METTL25: variants seen among roughly 807,000 people sequenced by gnomAD.
The protein encoded by METTL25 is probable methyltransferase-like protein 25.
A neutral mutation model predicts 71.6 loss-of-function variants in METTL25; 64 were observed. The observed-to-expected ratio is 0.89, with a 90% CI of 0.73 to 1.10. The LOEUF (loss-of-function observed/expected upper bound fraction) is 1.10, where lower values mean the gene tolerates loss of function less well. Ranked by LOEUF, METTL25 falls within the 50% of genes least tolerant of loss-of-function variation. The pLI, the probability that METTL25 is intolerant of heterozygous loss-of-function variation, is 0.00. For missense variants in METTL25, 807 were observed against 707.0 expected (o/e 1.14, Z -1.60); for synonymous variants, 287 against 250.3 (o/e 1.15, Z -1.38).
intron 8 of METTL25, among the ~76,000 whole-genome samples, chr12:82,441,742 G>A (rs1274524426): frequency 6.7e-6 from 1 of 149,004 alleles, no homozygotes; most frequent in Non-Finnish European, 1.5e-5. Flanking sequence ...ACCAGGAAGC[G>A]GGCAGGCCTA....
chr12:82,466,211 G>T (rs1892221750), intron 9 of METTL25, among the ~76,000 whole-genome samples: 1 of 151,186 alleles, frequency 6.6e-6, no homozygotes, highest in South Asian at 2.1e-4. Flanking sequence ...CTAGATTTTT[G>T]ATGTAGTTAG....
chr12:82,445,965 C>G (rs988208323), intron 8 of METTL25, among the ~76,000 whole-genome samples: 1 of 152,126 alleles, frequency 6.6e-6, no homozygotes, highest in African/African-American at 2.4e-5. Context: ...GAGTAGTCAA[C>G]AGTTACATGC....
intron 5 of METTL25, among the ~76,000 whole-genome samples, chr12:82,424,675 A>G (rs540268455): frequency 6.6e-6 from 1 of 152,204 alleles, no homozygotes; most frequent in South Asian, 2.1e-4. Context: ...ATGTTCATGA[A>G]GAACTTCAGA....
In METTL25 at chr12:82,475,706, A is replaced by G. The variant is rs116128193; in HGVS notation, c.1573-938A>G. Among the ~76,000 whole-genome samples, 1,473 of 152,178 alleles carry G rather than the reference A, an allele frequency of 9.7e-3. 22 individuals are homozygous for G. The highest frequency in any genetic ancestry group is 0.033 in the African/African-American group (1,391 of 41,528). On this transcript the variant is annotated intron_variant, in intron 9 of 11. Transcript: ENST00000248306. Reference sequence around the variant, plus strand: ...AGGGGAGGGCTGCTTTTTTGCAAAAATTATAGAATCAATTTTTCCTGTTGC... The same window carrying G: ...AGGGGAGGGCTGCTTTTTTGCAAAAGTTATAGAATCAATTTTTCCTGTTGC...
chr12:82,457,186 A>C (rs1891554541), intron 9 of METTL25, among the ~76,000 whole-genome samples: 1 of 152,032 alleles, frequency 6.6e-6, no homozygotes, highest in South Asian at 2.1e-4. Flanking sequence ...TAAAATTAAA[A>C]ATCTTAAATT....
Position 82,399,333 on chromosome 12 carries a change from C to T in METTL25, c.1070C>T (p.Ser357Leu), listed in dbSNP as rs141543492. The change falls in exon 4 of 12, where the codon TCA (serine) becomes TTA (leucine). Residue 357 changes from serine (S) to leucine (L), a missense_variant. Coordinates refer to ENST00000248306, the MANE Select transcript of METTL25 (RefSeq NM_032230.3). The part of the protein sequence containing the change: ...TSKSSESNIY[S>L]PLTSFITADS... ...AAGTCAAGTGAATCAAATATATATTCACCTTTAACCTCTTTTATCACTGCT... is the reference window on the plus strand; with the variant it reads ...AAGTCAAGTGAATCAAATATATATTTACCTTTAACCTCTTTTATCACTGCT... 1.2e-5 allele frequency: 19 copies of T among 1,606,502 alleles called. No homozygotes were observed. The highest frequency in any genetic ancestry group is 1.6e-5 in the Non-Finnish European group (19 of 1,176,360).
chr12:82,371,628 A>G (rs554404083), intron 1 of METTL25, among the ~76,000 whole-genome samples: 43 of 152,198 alleles, frequency 2.8e-4, no homozygotes, highest in African/African-American at 9.9e-4. Flanking sequence ...CAAGATTGCC[A>G]GGTTTAATAA....
chr12:82,372,105 A>G (rs1033209005), intron 1 of METTL25, among the ~76,000 whole-genome samples: 8 of 152,160 alleles, frequency 5.3e-5, no homozygotes, highest in African/African-American at 1.9e-4. Context: ...TCAGGGTTTG[A>G]TCTATCAATA....
Position 82,386,852 on chromosome 12 carries a change from G to A in METTL25, c.309G>A (p.Val103=). The A allele has an allele frequency of 6.2e-7, 1 of 1,613,430 alleles. No individual in the cohort carries two copies. The highest frequency in any genetic ancestry group is 8.5e-7 in the Non-Finnish European group (1 of 1,179,620). ...TTTGTGAAACTTCTCAGAAGTTGGTGAGTGTGGAAGCCTTTGCTCTGGCTG... is the reference window on the plus strand; with the variant it reads ...TTTGTGAAACTTCTCAGAAGTTGGTAAGTGTGGAAGCCTTTGCTCTGGCTG... ...KIFCETSQKL[V]SVEAFALAAK... The change falls in exon 2 of 12, where the codon GTG becomes GTA. Residue 103 remains valine, a synonymous_variant. Coordinates refer to ENST00000248306, the MANE Select transcript of METTL25 (RefSeq NM_032230.3).
chr12:82,417,546 A>ATG (rs1888091011), intron 5 of METTL25, among the ~76,000 whole-genome samples: 1 of 152,196 alleles, frequency 6.6e-6, no homozygotes, highest in African/African-American at 2.4e-5. Flanking sequence ...ACATGTACAA[A>ATG]TACCTTTTTT....
intron 3 of METTL25, among the ~76,000 whole-genome samples, chr12:82,392,245 T>C (rs1885660273): frequency 7.6e-6 from 1 of 131,554 alleles, no homozygotes; most frequent in African/African-American, 2.8e-5. Context: ...CCCAATGCTA[T>C]CCCTCCCCCC....
At chr12:82,403,569 C>T (rs1049802087) in intron 5 of METTL25, among the ~76,000 whole-genome samples, 15 of 152,136 alleles carry the variant, frequency 9.9e-5, no homozygotes, top group Non-Finnish European at 2.2e-4. Context: ...AAGTTCTTTA[C>T]TGTATTTTGA....
intron 1 of METTL25, among the ~76,000 whole-genome samples, chr12:82,385,502 A>G (rs1168397970): frequency 6.6e-6 from 1 of 152,084 alleles, no homozygotes; most frequent in Non-Finnish European, 1.5e-5. Flanking sequence ...TTTTTGAATT[A>G]TTCAAAATTA....
At position 82,434,732 on chromosome 12, in the gene METTL25, A is replaced by G; in HGVS notation, c.1404+8A>G. 6.2e-7 allele frequency: 1 copy of G among 1,608,836 alleles called. No homozygotes were observed. Reference sequence around the variant, plus strand: ...GTTGCAGCTGGCCAAGGGGTAAGTAAGAGTGTTAACTGATGAACACGACAG... The same window carrying G: ...GTTGCAGCTGGCCAAGGGGTAAGTAGGAGTGTTAACTGATGAACACGACAG... On this transcript the variant is annotated splice_region_variant and intron_variant, in intron 7 of 11. Coordinates refer to ENST00000248306, the MANE Select transcript of METTL25 (RefSeq NM_032230.3).
intron 8 of METTL25, among the ~76,000 whole-genome samples, chr12:82,442,781 G>T (rs981937587): frequency 6.6e-6 from 1 of 151,970 alleles, no homozygotes; most frequent in African/African-American, 2.4e-5. Context: ...TTTTAAAATT[G>T]AAAGTTTAAT....
At chr12:82,465,963 G>A (rs1892202559) in intron 9 of METTL25, among the ~76,000 whole-genome samples, 2 of 142,126 alleles carry the variant, frequency 1.4e-5, no homozygotes, top group Admixed American at 1.4e-4. Flanking sequence ...TTTTGTTTTG[G>A]ATCTTCTTTA....
At chr12:82,454,770 A>G (rs1395612970) in intron 8 of METTL25, among the ~76,000 whole-genome samples, 5 of 151,990 alleles carry the variant, frequency 3.3e-5, no homozygotes, top group Non-Finnish European at 7.4e-5. Flanking sequence ...TCTTACACTT[A>G]CAATGTTTAA....
chr12:82,402,966 C>G lies in METTL25; in HGVS notation c.1132-17C>G. The G allele has an allele frequency of 6.4e-7, 1 of 1,555,926 alleles. No individual in the cohort carries two copies. The highest frequency in any genetic ancestry group is 8.7e-7 in the Non-Finnish European group (1 of 1,153,662). On this transcript the variant is annotated splice_polypyrimidine_tract_variant and intron_variant, in intron 4 of 11. Transcript: ENST00000248306. Reference sequence around the variant, plus strand: ...TTTTTAATTACCAAATTTTATTTTTCTTCTTGTATTTTAAAGGATTGTTTG... The same window carrying G: ...TTTTTAATTACCAAATTTTATTTTTGTTCTTGTATTTTAAAGGATTGTTTG...
chr12:82,467,350 G>T (rs1157966106), intron 9 of METTL25, among the ~76,000 whole-genome samples: 1 of 151,872 alleles, frequency 6.6e-6, no homozygotes, highest in Non-Finnish European at 1.5e-5. Flanking sequence ...TCTCTTTTGT[G>T]TATCACCCTT....
Sources: gnomAD v4.1 joint callset for allele counts (sites outside exome capture counted in the v4.1 genomes callset) on GRCh38, gnomAD v4.1.1 for gene constraint, MANE v1.5 for transcripts, NCBI Gene and HGNC (gene_info 2026-07-23, HGNC 2026-07-21) for gene names.